The following PPARGC1A variants were observed in gnomAD, a reference collection of about 807,000 sequenced individuals.
PPARGC1A encodes the protein peroxisome proliferator-activated receptor gamma coactivator 1-alpha.
In PPARGC1A, 25 loss-of-function variants were observed where a neutral mutation model predicts 88.7. The ratio of observed to expected loss-of-function variants is 0.28; its 90% CI spans 0.21 to 0.39. The LOEUF (loss-of-function observed/expected upper bound fraction) is 0.39, where lower values mean the gene tolerates loss of function less well. Among genes scored for constraint, PPARGC1A ranks in the 10% least tolerant of loss-of-function variants. The pLI, the probability that PPARGC1A is intolerant of heterozygous loss-of-function variation, is 1.00. For missense variants in PPARGC1A, 880 were observed against 968.7 expected, an observed-to-expected ratio of 0.91 and a Z score of 1.22; for synonymous variants, 363 against 355.6, an observed-to-expected ratio of 1.02 and a Z score of -0.24.
the PPARGC1A span, among the ~76,000 whole-genome samples, chr4:24,162,815 C>A: frequency 6.6e-6 from 1 of 151,640 alleles, no homozygotes; most frequent in Admixed American, 6.6e-5. Flanking sequence ...TCTGGTCTCG[C>A]ACCCCTGACC....
intron 2 of PPARGC1A, chr4:23,881,879 G>C (rs1716009341): frequency 6.6e-6 from 1 of 152,212 alleles, no homozygotes; most frequent in Admixed American, 6.5e-5. Flanking sequence ...GCCCTGGGAA[G>C]GCACTTCCCT....
chr4:24,271,415 T>C, the PPARGC1A span, among the ~76,000 whole-genome samples: 1 of 152,026 alleles, frequency 6.6e-6, no homozygotes, highest in Admixed American at 6.6e-5. Flanking sequence ...TCTCGCTCTG[T>C]GGCCCTGGCT....
At chr4:23,834,856 A>T (rs2148570210) in intron 2 of PPARGC1A, among the ~76,000 whole-genome samples, 1 of 152,328 alleles carries the variant, frequency 6.6e-6, no homozygotes, top group East Asian at 1.9e-4. Flanking sequence ...TTCTGAATAC[A>T]ATTATATTTA....
the PPARGC1A span, among the ~76,000 whole-genome samples, chr4:23,937,105 G>T: frequency 6.6e-6 from 1 of 151,562 alleles, no homozygotes; most frequent in Non-Finnish European, 1.5e-5. Flanking sequence ...ATGGTCCACA[G>T]AATGATACAC....
At chr4:23,866,253 AAAAT>A (rs369834841) in intron 2 of PPARGC1A, 17 of 152,344 alleles carry the variant, frequency 1.1e-4, no homozygotes, top group African/African-American at 2.9e-4. Context: ...TTACCTAAAA[AAAAT>A]AAATAAAGCC....
chr4:24,194,658 ACACACACACAC>A, the PPARGC1A span, among the ~76,000 whole-genome samples: 917 of 21,220 alleles, frequency 0.043, 21 homozygotes, highest in South Asian at 0.23. Flanking sequence ...ACACACACAC[ACACACACACAC>A]CCCCATCAAG....
chr4:23,914,223 T>A, the PPARGC1A span, among the ~76,000 whole-genome samples: 10 of 152,238 alleles, frequency 6.6e-5, no homozygotes, highest in African/African-American at 2.4e-4. Flanking sequence ...CAGGCATTGT[T>A]GTAAGACCTT....
the PPARGC1A span, among the ~76,000 whole-genome samples, chr4:24,254,822 C>A: frequency 4.6e-5 from 7 of 152,156 alleles, 1 homozygote; most frequent in Non-Finnish European, 1.0e-4. Context: ...AGTGCTAGAG[C>A]ACAGCAGCAA....
chr4:24,400,351 G>C, the PPARGC1A span, among the ~76,000 whole-genome samples: 1 of 152,136 alleles, frequency 6.6e-6, no homozygotes, highest in Admixed American at 6.5e-5. Flanking sequence ...GAAAAGGAGA[G>C]AGATGGGCCT....
chr4:23,849,635 C>A (rs1728922034), intron 2 of PPARGC1A, among the ~76,000 whole-genome samples: 1 of 151,964 alleles, frequency 6.6e-6, no homozygotes, highest in Admixed American at 6.6e-5. Flanking sequence ...AAAAATAAGA[C>A]TAGAGAGAAT....
chr4:24,140,999 T>C, the PPARGC1A span, among the ~76,000 whole-genome samples: 1 of 152,172 alleles, frequency 6.6e-6, no homozygotes, highest in East Asian at 1.9e-4. Flanking sequence ...GTTCTCCAGA[T>C]AACAAAGGGA....
chr4:23,817,920 AC>A (rs1329274774), intron 7 of PPARGC1A, among the ~76,000 whole-genome samples: 1 of 152,134 alleles, frequency 6.6e-6, no homozygotes, highest in African/African-American at 2.4e-5. Context: ...ATAGTGTTAA[AC>A]TTTTCAGAGC....
the PPARGC1A span, among the ~76,000 whole-genome samples, chr4:24,435,265 G>A: frequency 0.027 from 4,170 of 152,196 alleles, 188 homozygotes; most frequent in African/African-American, 0.095. Flanking sequence ...CTGTATCACC[G>A]AGGGCCCAGC....
the PPARGC1A span, among the ~76,000 whole-genome samples, chr4:23,962,123 A>ATT: frequency 1.2e-3 from 183 of 151,350 alleles, 1 homozygote; most frequent in African/African-American, 3.8e-3. Flanking sequence ...TCATCTTTTT[A>ATT]TTTTTTTTTA....
chr4:24,111,460 T>C, the PPARGC1A span, among the ~76,000 whole-genome samples: 1 of 152,186 alleles, frequency 6.6e-6, no homozygotes. Flanking sequence ...TCCAAACAAC[T>C]AACTTGCTAC....
the PPARGC1A span, among the ~76,000 whole-genome samples, chr4:24,029,034 T>G: frequency 6.6e-6 from 1 of 152,166 alleles, no homozygotes; most frequent in Non-Finnish European, 1.5e-5. Flanking sequence ...ATTAGATGCT[T>G]ACATGTTATA....
At chr4:23,799,576 C>T (rs1439962741) in intron 12 of PPARGC1A, among the ~76,000 whole-genome samples, 2 of 152,180 alleles carry the variant, frequency 1.3e-5, no homozygotes, top group East Asian at 1.9e-4. Flanking sequence ...TTTGTGCCAT[C>T]GTACAGCTTG....
the PPARGC1A span, among the ~76,000 whole-genome samples, chr4:24,386,598 A>G: frequency 6.6e-6 from 1 of 152,178 alleles, no homozygotes; most frequent in Non-Finnish European, 1.5e-5. Flanking sequence ...TACACCAATA[A>G]TAGACAAACA....
chr4:24,327,373 A>C, the PPARGC1A span, among the ~76,000 whole-genome samples: 1 of 152,168 alleles, frequency 6.6e-6, no homozygotes, highest in Admixed American at 6.5e-5. Flanking sequence ...TTCACAGCTG[A>C]TATCTCCTCG....
Sources: gnomAD v4.1 joint callset for allele counts (sites outside exome capture counted in the v4.1 genomes callset) on GRCh38, gnomAD v4.1.1 for gene constraint, MANE v1.5 for transcripts, NCBI Gene and HGNC (gene_info 2026-07-23, HGNC 2026-07-21) for gene names.